Variants in TBL1X observed in about 807,000 individuals in gnomAD.
The protein encoded by TBL1X is transducin beta like 1 X-linked, also known as F-box-like/WD repeat-containing protein TBL1X.
In TBL1X, 10 loss-of-function variants were observed where a neutral mutation model predicts 50.7. The observed-to-expected ratio is 0.20, with a 90% CI of 0.12 to 0.33. The LOEUF (loss-of-function observed/expected upper bound fraction) is 0.33, where lower values mean the gene tolerates loss of function less well. Ranked by LOEUF, TBL1X falls within the 10% of genes least tolerant of loss-of-function variation. TBL1X has a pLI of 1.00. For synonymous variants in TBL1X, 190 were observed against 214.7 expected (o/e 0.88, Z 1.01); for missense variants, 340 against 504.4 (o/e 0.67, Z 3.12).
At chrX:9,617,211 G>C (rs968666509) in intron 2 of TBL1X, among the ~76,000 whole-genome samples, 2 of 111,500 alleles carry the variant, frequency 1.8e-5, no homozygotes, top group African/African-American at 6.5e-5. Context: ...GCATTTCAAA[G>C]AGATGCCTTA....
At chrX:9,499,540 G>T (rs1226344335) in intron 1 of TBL1X, among the ~76,000 whole-genome samples, 1 of 112,364 alleles carries the variant, frequency 8.9e-6, no homozygotes, top group Non-Finnish European at 1.9e-5. Flanking sequence ...TGCTGGTCAA[G>T]GGGGCCATCC....
At chrX:9,464,257 G>A (rs1307552274), upstream of TBL1X, among the ~76,000 whole-genome samples, 1 of 111,283 alleles carries the variant, frequency 9.0e-6, no homozygotes, top group Non-Finnish European at 1.9e-5. Flanking sequence ...ACTTTGCAAG[G>A]GCCAGAGGGC....
chrX:9,501,910 C>T (rs2082003372), intron 2 of TBL1X, 61 bp downstream of exon 2: 1 of 110,712 alleles, frequency 9.0e-6, no homozygotes, highest in African/African-American at 3.3e-5. Context: ...GTGAGATTTC[C>T]TCCCCTCCGC....
intron 1 of TBL1X, among the ~76,000 whole-genome samples, chrX:9,474,275 A>G (rs926659494): frequency 7.1e-5 from 8 of 113,172 alleles, no homozygotes; most frequent in African/African-American, 2.2e-4. Context: ...TGAAAAGGAT[A>G]TATGATGAAA....
chrX:9,587,362 G>A (rs1432566373), intron 2 of TBL1X, among the ~76,000 whole-genome samples: 6 of 112,115 alleles, frequency 5.4e-5, no homozygotes, highest in East Asian at 2.8e-4. Context: ...GTAGGGATGG[G>A]GCCCCTGCTG....
chrX:9,485,743 CCA>C (rs1453432779), intron 1 of TBL1X, among the ~76,000 whole-genome samples: 8 of 111,031 alleles, frequency 7.2e-5, no homozygotes, highest in Admixed American at 4.8e-4. Flanking sequence ...CACAGGCAAA[CCA>C]AATCCATCCT....
At chrX:9,587,256 T>C (rs2082475030) in intron 2 of TBL1X, among the ~76,000 whole-genome samples, 1 of 111,994 alleles carries the variant, frequency 8.9e-6, no homozygotes, top group African/African-American at 3.3e-5. Context: ...CGGCTTGCGC[T>C]TGGAGCTTTT....
chrX:9,501,436 G>A (rs866986915), intron 1 of TBL1X, among the ~76,000 whole-genome samples: 1 of 111,896 alleles, frequency 8.9e-6, no homozygotes, highest in Non-Finnish European at 1.9e-5. Flanking sequence ...ACAGCTTTAT[G>A]ATTGAGTTTG....
rs144615561 is a variant in TBL1X at position 9,567,033 on chromosome X, A to G, written c.-131+65184A>G. Among the ~76,000 whole-genome samples, 670 of 111,920 alleles carry G rather than the reference A, an allele frequency of 6.0e-3. 2 individuals carry two copies. Among genetic ancestry groups the G allele is most frequent in the African/African-American group, 0.021 (632 of 30,810 alleles). ...CTTTTAAAATACAACATGTGTGCCC[A>G]GTAATGCTGGAGGAGGATGATAGAA... On this transcript the variant is annotated intron_variant, in intron 2 of 17. Coordinates refer to ENST00000645353, the MANE Select transcript of TBL1X (RefSeq NM_005647.4).
intron 2 of TBL1X, among the ~76,000 whole-genome samples, chrX:9,571,548 C>T (rs1271946147): frequency 1.8e-5 from 2 of 111,444 alleles, no homozygotes; most frequent in African/African-American, 6.5e-5. Flanking sequence ...CATAAGTGTA[C>T]ACAGAATTAT....
At chrX:9,555,507 C>T (rs754631450) in intron 2 of TBL1X, among the ~76,000 whole-genome samples, 26 of 111,749 alleles carry the variant, frequency 2.3e-4, no homozygotes, top group Admixed American at 8.6e-4. Context: ...TGTGAGCCCT[C>T]GTGTACAGGT....
intron 2 of TBL1X, among the ~76,000 whole-genome samples, chrX:9,630,186 C>T (rs1355308794): frequency 2.7e-5 from 3 of 111,720 alleles, no homozygotes; most frequent in Non-Finnish European, 5.6e-5. Context: ...ATCATCGTGT[C>T]GTGTTAAGTT....
chrX:9,717,892 G>A lies in TBL1X; in HGVS notation c.*1646G>A, dbSNP rs1347594889. ...TTCTTTGTCTCACAGAAGACTAGGA[G>A]AAAGATCTTTTTTAAATAATCTTTT... On this transcript the variant is annotated 3_prime_UTR_variant, in exon 18 of 18. Transcript: ENST00000645353. 4 of 112,272 alleles carry A rather than the reference G, an allele frequency of 3.6e-5. No homozygotes were observed. Among genetic ancestry groups the A allele is most frequent in the African/African-American group, 1.3e-4 (4 of 30,918 alleles). The allele number at this position is 112,272 out of a possible 1,213,427, so 9.3% of individuals were successfully genotyped here.
intron 2 of TBL1X, among the ~76,000 whole-genome samples, chrX:9,624,777 G>T: frequency 8.9e-6 from 1 of 111,897 alleles, no homozygotes; most frequent in Non-Finnish European, 1.9e-5. Context: ...AATAAGGTAT[G>T]CGTATAACTA....
chrX:9,698,250 C>T (rs2083144905), intron 12 of TBL1X, among the ~76,000 whole-genome samples: 1 of 111,399 alleles, frequency 9.0e-6, no homozygotes, highest in Non-Finnish European at 1.9e-5. Flanking sequence ...GAGCCAGCCA[C>T]AGAAGCAGTG....
At chrX:9,545,501 C>A (rs1294363992) in intron 2 of TBL1X, among the ~76,000 whole-genome samples, 5 of 107,375 alleles carry the variant, frequency 4.7e-5, no homozygotes, top group Admixed American at 1.0e-4. Flanking sequence ...GCCTTGATTG[C>A]GCCACTGCAC....
chrX:9,581,963 T>A (rs2082445078), intron 2 of TBL1X, among the ~76,000 whole-genome samples: 1 of 112,134 alleles, frequency 8.9e-6, no homozygotes, highest in Non-Finnish European at 1.9e-5. Flanking sequence ...ATTCCATTTC[T>A]TTGCAGGGCA....
chrX:9,602,819 G>GAA (rs1212582180), intron 2 of TBL1X, among the ~76,000 whole-genome samples: 4 of 112,190 alleles, frequency 3.6e-5, no homozygotes, highest in African/African-American at 1.3e-4. Flanking sequence ...GAAATGTCAG[G>GAA]AAAGTCTCAA....
intron 6 of TBL1X, among the ~76,000 whole-genome samples, chrX:9,687,204 G>A (rs916873648): frequency 1.8e-5 from 2 of 108,455 alleles, no homozygotes; most frequent in Non-Finnish European, 3.9e-5. Flanking sequence ...CATGGTAAAC[G>A]GAAATCAGAG....
Sources: allele counts gnomAD v4.1 joint callset (sites outside exome capture counted in the v4.1 genomes callset), GRCh38; gene constraint gnomAD v4.1.1; transcripts MANE v1.5; gene names NCBI Gene and HGNC (gene_info 2026-07-23, HGNC 2026-07-21).